The following SNAP47 variants were observed in gnomAD, a reference collection of about 807,000 sequenced individuals.
SNAP47 encodes the protein synaptosome associated protein 47, also known as synaptosomal-associated protein 47.
A neutral mutation model predicts 31.4 loss-of-function variants in SNAP47; 20 were observed. That is an observed-to-expected ratio of 0.64 (90% confidence interval 0.45 to 0.93). The LOEUF (loss-of-function observed/expected upper bound fraction) is 0.93, where lower values mean the gene tolerates loss of function less well. Ranked by LOEUF, SNAP47 falls within the 40% of genes least tolerant of loss-of-function variation. SNAP47 has a pLI of 0.00. For synonymous variants in SNAP47, 194 were observed against 213.4 expected (o/e 0.91, Z 0.79); for missense variants, 492 against 528.5 (o/e 0.93, Z 0.68).
chr1:227,737,350 C>T (rs1028248809), intron 1 of SNAP47, among the ~76,000 whole-genome samples: 6 of 152,166 alleles, frequency 3.9e-5, no homozygotes, highest in Non-Finnish European at 7.4e-5. Context: ...CAGTTAGAAC[C>T]GCTCATCTCT....
intron 2 of SNAP47, among the ~76,000 whole-genome samples, chr1:227,752,780 G>T (rs1016121087): frequency 6.6e-6 from 1 of 152,160 alleles, no homozygotes; most frequent in African/African-American, 2.4e-5. Context: ...CCAGATCAGG[G>T]GTTTTTAAGG....
At chr1:227,766,829 G>C (rs1301638273) in intron 3 of SNAP47, 130 bp from the exon 4 acceptor site, 3 of 1,342,340 alleles carry the variant, frequency 2.2e-6, no homozygotes, top group Non-Finnish European at 3.1e-6. Flanking sequence ...CAGAGGTCGA[G>C]AGAGGAAGCA....
chr1:227,772,457 A>C (rs572462801), intron 4 of SNAP47, among the ~76,000 whole-genome samples: 2 of 151,342 alleles, frequency 1.3e-5, no homozygotes, highest in African/African-American at 4.9e-5. Context: ...CACTTGGCAT[A>C]CGGTTTTCAG....
intron 3 of SNAP47, 148 bp downstream of exon 3, chr1:227,759,633 A>G: frequency 2.0e-6 from 2 of 1,004,852 alleles, no homozygotes; most frequent in Non-Finnish European, 1.5e-6. Context: ...TTGTTTATAC[A>G]TAAAAACAAT....
chr1:227,747,992 A>T lies in SNAP47; in HGVS notation c.256A>T (p.Ser86Cys). 6.2e-7 allele frequency: 1 copy of T among 1,614,240 alleles called. No homozygotes were observed. The highest frequency in any genetic ancestry group is 8.5e-7 in the Non-Finnish European group (1 of 1,180,038). The change falls in exon 2 of 5, where the codon AGT becomes TGT. Residue 86 changes from serine to cysteine, a missense_variant. Physicochemically the swap from Ser to Cys is moderately radical, Grantham distance 112. Transcript: ENST00000617596. The stretch of plus-strand genomic sequence containing the variant: ...GCACTGGTTCAGCTCCCTGCGGCCA[A>T]GTCGAAATGTGGTCTTCAGCATCAT... ...AKHWFSSLRP[S>C]RNVVFSIIEH...
intron 2 of SNAP47, among the ~76,000 whole-genome samples, chr1:227,748,784 G>T (rs1662151332): frequency 6.6e-6 from 1 of 152,258 alleles, no homozygotes; most frequent in Non-Finnish European, 1.5e-5. Context: ...CTCTGTGAGT[G>T]AGGTGTCTCC....
At position 227,761,313 on chromosome 1, in the gene SNAP47, A is replaced by T. The variant is rs538513887; in HGVS notation, c.988+1828A>T. 5.3e-5 allele frequency among the ~76,000 whole-genome samples: 8 copies of T among 152,350 alleles called. No homozygotes were observed. In the South Asian group the frequency reaches 1.4e-3, roughly 28 times the overall value. On this transcript the variant is annotated intron_variant, in intron 3 of 4. Transcript: ENST00000617596. ...AAGAAATACACATAATAATAGATTG[A>T]GTCCCATGAGCCCCAGGGCTGAATA...
In SNAP47 at chr1:227,763,800, C is replaced by T. The variant is rs1663213544; in HGVS notation, c.989-3159C>T. Among the ~76,000 whole-genome samples, 1 of 152,184 alleles carries T rather than the reference C, an allele frequency of 6.6e-6. No homozygotes were observed. The highest frequency in any genetic ancestry group is 3.2e-3 in the Middle Eastern group (1 of 316). On this transcript the variant is annotated intron_variant, in intron 3 of 4. Transcript: ENST00000617596. The surrounding 1 kb of genome is among the most constrained non-coding windows in gnomAD (Gnocchi z 4.2). ...CCCAGCAGAGGCCTTTCCTGGGTGACAGGTGAGTGTTGGAGGCCAGGGCTG... is the reference window on the plus strand; with the variant it reads ...CCCAGCAGAGGCCTTTCCTGGGTGATAGGTGAGTGTTGGAGGCCAGGGCTG...
rs182475384 is a variant in SNAP47, at chr1:227,763,398, C to T, written c.989-3561C>T. Among the ~76,000 whole-genome samples, 1 of 152,354 alleles carries T rather than the reference C, an allele frequency of 6.6e-6. No individual in the cohort carries two copies. The highest frequency in any genetic ancestry group is 1.9e-4 in the East Asian group (1 of 5,178). On this transcript the variant is annotated intron_variant, in intron 3 of 4. Coordinates refer to ENST00000617596, the MANE Select transcript of SNAP47 (RefSeq NM_053052.4). The surrounding 1 kb of genome is among the most constrained non-coding windows in gnomAD (Gnocchi z 4.2). ...CTGCTTCCCCGGGCCGTGTGTCTGT[C>T]TGCACAGCAGCACCAGCAGCAGGAC...
chr1:227,736,658 C>T (rs1352885765), intron 1 of SNAP47, among the ~76,000 whole-genome samples: 1 of 150,306 alleles, frequency 6.7e-6, no homozygotes, highest in Admixed American at 6.6e-5. Flanking sequence ...AGCCACTATG[C>T]CCAGCTTAGT....
At chr1:227,771,343 T>A (rs948493760) in intron 4 of SNAP47, among the ~76,000 whole-genome samples, 8 of 152,286 alleles carry the variant, frequency 5.3e-5, no homozygotes, top group African/African-American at 1.9e-4. Flanking sequence ...TGAGTTCCTA[T>A]TACTCATGCC....
At chr1:227,732,125 G>A (rs568668594), upstream of SNAP47, 10 of 557,960 alleles carry the variant, frequency 1.8e-5, no homozygotes, top group Admixed American at 6.1e-5. Context: ...AGGAGGCAGG[G>A]CCCCCAAAAG....
chr1:227,775,957 G>A (rs1664134861), intron 4 of SNAP47: 3 of 1,287,342 alleles, frequency 2.3e-6, no homozygotes, highest in Non-Finnish European at 2.0e-6. Flanking sequence ...GGCCCACAGC[G>A]CCCAGGGCAT....
intron 1 of SNAP47, chr1:227,736,151 A>C (rs1324426836): frequency 6.9e-6 from 1 of 145,662 alleles, no homozygotes; most frequent in African/African-American, 2.6e-5. Context: ...AAATGGTGGG[A>C]GGGCTGGAGG....
At chr1:227,777,036 A>G (rs1664200483) in intron 4 of SNAP47, 2 of 985,312 alleles carry the variant, frequency 2.0e-6, no homozygotes, top group African/African-American at 1.7e-5. Context: ...GCAAAACCCT[A>G]AACTATAGAA....
At chr1:227,777,789 C>T (rs1432649972) in intron 4 of SNAP47, among the ~76,000 whole-genome samples, 1 of 152,170 alleles carries the variant, frequency 6.6e-6, no homozygotes, top group Non-Finnish European at 1.5e-5. Flanking sequence ...GGTCCTGGCC[C>T]AGCCTCCCTT....
In SNAP47 at chr1:227,763,137, T is replaced by A. The variant is rs952234713; in HGVS notation, c.988+3652T>A. Among the ~76,000 whole-genome samples, 10 of 151,752 alleles carry A rather than the reference T, an allele frequency of 6.6e-5. No individual in the cohort carries two copies. The highest frequency in any genetic ancestry group is 9.7e-5 in the African/African-American group (4 of 41,316). ...ATGCCCAGCTAATTTTTTTTTTTTT[T>A]AATTATGGGGTCTTGCCGTGTTGCC... On this transcript the variant is annotated intron_variant, in intron 3 of 4. Coordinates refer to ENST00000617596, the MANE Select transcript of SNAP47 (RefSeq NM_053052.4). This position sits in a 1 kb window ranked among gnomAD's most constrained non-coding sequence, Gnocchi z 4.2.
rs1035126938 is a variant in SNAP47, at chr1:227,763,155, G to A, written c.988+3670G>A. 4.0e-5 allele frequency among the ~76,000 whole-genome samples: 6 copies of A among 151,364 alleles called. No individual in the cohort carries two copies. The East Asian group carries it at 5.8e-4, about 15-fold the overall frequency. On this transcript the variant is annotated intron_variant, in intron 3 of 4. Coordinates refer to ENST00000617596, the MANE Select transcript of SNAP47 (RefSeq NM_053052.4). The surrounding 1 kb of genome is among the most constrained non-coding windows in gnomAD (Gnocchi z 4.2). ...TTTTTTTTAATTATGGGGTCTTGCC[G>A]TGTTGCCTAGGCTGGTCTTGAACTC...
intron 2 of SNAP47, among the ~76,000 whole-genome samples, chr1:227,750,219 G>T (rs1054833788): frequency 4.6e-5 from 7 of 151,380 alleles, no homozygotes; most frequent in Admixed American, 3.3e-4. Flanking sequence ...TAGATGGCAG[G>T]TGTGTGTTTT....
Sources: allele counts gnomAD v4.1 joint callset (sites outside exome capture counted in the v4.1 genomes callset), GRCh38; gene constraint gnomAD v4.1.1; non-coding constraint Gnocchi (gnomAD v3.1); transcripts MANE v1.5; gene names NCBI Gene and HGNC (gene_info 2026-07-23, HGNC 2026-07-21).